Variants in KCNA6 observed in about 807,000 individuals in gnomAD.
The protein encoded by KCNA6 is potassium voltage-gated channel subfamily A member 6.
KCNA6 carries 17 observed loss-of-function variants against 29.5 expected under a neutral mutation model. The ratio of observed to expected loss-of-function variants is 0.58; its 90% CI spans 0.39 to 0.86. The LOEUF is 0.86. KCNA6 is among the 40% of genes least tolerant of loss of function. KCNA6 has a pLI of 0.00. For missense variants in KCNA6, 450 were observed against 703.4 expected, an observed-to-expected ratio of 0.64 and a Z score of 4.07; for synonymous variants, 296 against 304.7, an observed-to-expected ratio of 0.97 and a Z score of 0.30.
chr12:4,810,070 C>A lies in KCNA6; in HGVS notation c.29C>A (p.Ala10Glu). The A allele has an allele frequency of 6.5e-7, 1 of 1,545,796 alleles. No individual in the cohort carries two copies. The change falls in exon 1 of 1, where the codon GCG (alanine) becomes GAG (glutamate). Residue 10 changes from alanine (A) to glutamate (E), a missense_variant. Ala to Glu is a moderately radical substitution (Grantham distance 107). Around this residue, in one of 7 missense-constraint regions of KCNA6, gnomAD observed 72 missense variants for 64.2 expected, o/e 1.12. Transcript: ENST00000280684. The surrounding 1 kb of genome is among the most constrained non-coding windows in gnomAD (Gnocchi z 7.5). ...AGATCGGAGAAATCCCTTACGCTGG[C>A]GGCGCCGGGGGAGGTCCGTGGGCCG...
the KCNA6 span, among the ~76,000 whole-genome samples, chr12:4,822,611 T>C: frequency 6.6e-6 from 1 of 152,086 alleles, no homozygotes; most frequent in African/African-American, 2.4e-5. Context: ...ACCAAAATGG[T>C]AAAAATTAGA....
At chr12:4,839,351 C>T in the KCNA6 span, 2 of 152,248 alleles carry the variant, frequency 1.3e-5, no homozygotes, top group Non-Finnish European at 2.9e-5. Context: ...TACACTTCCA[C>T]TTAATAACCA....
At chr12:4,812,057 C>T in exon 1 of KCNA6, 1 of 185,774 alleles carries the variant, frequency 5.4e-6, no homozygotes, top group Admixed American at 5.7e-5. Flanking sequence ...TTCCTAGCTT[C>T]AGGCTACTTG....
At chr12:4,845,969 G>A in the KCNA6 span, among the ~76,000 whole-genome samples, 3 of 134,212 alleles carry the variant, frequency 2.2e-5, no homozygotes, top group African/African-American at 8.6e-5. Context: ...GACCAGACAT[G>A]TTTCGAATTT....
the KCNA6 span, chr12:4,842,597 A>G: frequency 2.6e-5 from 4 of 152,316 alleles, no homozygotes; most frequent in Admixed American, 2.0e-4. Context: ...AGAAGCAACC[A>G]TGTCTTCACG....
the KCNA6 span, among the ~76,000 whole-genome samples, chr12:4,819,040 G>A: frequency 4.0e-5 from 6 of 151,704 alleles, no homozygotes; most frequent in South Asian, 4.2e-4. Flanking sequence ...GTATACACAC[G>A]TATATGCACA....
At chr12:4,821,801 GCTT>G in the KCNA6 span, among the ~76,000 whole-genome samples, 1 of 152,158 alleles carries the variant, frequency 6.6e-6, no homozygotes, top group Non-Finnish European at 1.5e-5. Context: ...AGTGCCCATC[GCTT>G]CTTAGTCCCT....
the KCNA6 span, among the ~76,000 whole-genome samples, chr12:4,828,828 T>TGTGGGATG: frequency 6.6e-6 from 1 of 152,260 alleles, no homozygotes; most frequent in East Asian, 1.9e-4. Flanking sequence ...ATGAAAGAGC[T>TGTGGGATG]AAAATGAAGA....
At chr12:4,827,404 G>C in the KCNA6 span, among the ~76,000 whole-genome samples, 2 of 152,098 alleles carry the variant, frequency 1.3e-5, no homozygotes, top group Admixed American at 1.3e-4. Context: ...CAAGCACCTT[G>C]GCATTATGAT....
the KCNA6 span, among the ~76,000 whole-genome samples, chr12:4,846,106 ATTT>A: frequency 1.3e-5 from 2 of 151,906 alleles, no homozygotes; most frequent in South Asian, 4.2e-4. Context: ...CCTGAAGGTA[ATTT>A]TTAAATAACT....
At chr12:4,832,664 G>A in the KCNA6 span, among the ~76,000 whole-genome samples, 1 of 152,114 alleles carries the variant, frequency 6.6e-6, no homozygotes, top group Non-Finnish European at 1.5e-5. Context: ...TCACTCACCT[G>A]TCTCCAGAAC....
exon 1 of KCNA6, chr12:4,809,973 G>T (rs1591588132): frequency 1.4e-6 from 2 of 1,474,174 alleles, no homozygotes; most frequent in South Asian, 1.4e-5. Context: ...GCTGGGGAGC[G>T]GGTGCCGCGC....
chr12:4,817,196 A>G (rs2137583670), downstream of KCNA6, among the ~76,000 whole-genome samples: 1 of 152,226 alleles, frequency 6.6e-6, no homozygotes, highest in Middle Eastern at 3.4e-3. Flanking sequence ...AAAGAATTCC[A>G]TTTACTAGGT....
chr12:4,849,275 A>C, the KCNA6 span, among the ~76,000 whole-genome samples: 1 of 152,118 alleles, frequency 6.6e-6, no homozygotes, highest in Admixed American at 6.5e-5. Flanking sequence ...AATGACCCGT[A>C]GCGTTTGGAA....
the KCNA6 span, among the ~76,000 whole-genome samples, chr12:4,832,754 G>A: frequency 9.2e-5 from 14 of 152,188 alleles, no homozygotes; most frequent in African/African-American, 2.4e-4. Context: ...CTCATGACTC[G>A]AAATCCTAAA....
At chr12:4,840,708 A>G in the KCNA6 span, among the ~76,000 whole-genome samples, 9 of 152,222 alleles carry the variant, frequency 5.9e-5, no homozygotes, top group Non-Finnish European at 1.2e-4. Flanking sequence ...AGCAAGAAGG[A>G]TGGTTCAGAT....
the KCNA6 span, among the ~76,000 whole-genome samples, chr12:4,832,157 C>T: frequency 2.6e-5 from 4 of 152,242 alleles, no homozygotes; most frequent in Admixed American, 2.0e-4. Flanking sequence ...TTTCTTCAGA[C>T]CCCGAGAGCC....
At chr12:4,848,710 T>G in the KCNA6 span, among the ~76,000 whole-genome samples, 15 of 152,186 alleles carry the variant, frequency 9.9e-5, no homozygotes, top group South Asian at 2.9e-3. Context: ...AATTTTGTAT[T>G]TTTAGTAGAG....
the KCNA6 span, among the ~76,000 whole-genome samples, chr12:4,822,590 C>T: frequency 6.6e-6 from 1 of 152,168 alleles, no homozygotes; most frequent in Admixed American, 6.5e-5. Flanking sequence ...TGATGTAATT[C>T]AGAACTCCCA....
Sources: gnomAD v4.1 joint callset for allele counts (sites outside exome capture counted in the v4.1 genomes callset) on GRCh38, gnomAD v4.1.1 for gene constraint, gnomAD v4.1.1 regional missense constraint, Gnocchi (gnomAD v3.1) non-coding constraint, MANE v1.5 for transcripts, NCBI Gene and HGNC (gene_info 2026-07-23, HGNC 2026-07-21) for gene names.